FHAD1: variants seen among roughly 807,000 people sequenced by gnomAD.
The protein encoded by FHAD1 is forkhead-associated domain-containing protein 1.
In FHAD1, 146 loss-of-function variants were observed where a neutral mutation model predicts 191.3. That is an observed-to-expected ratio of 0.76 (90% CI 0.67 to 0.88). The LOEUF (loss-of-function observed/expected upper bound fraction) is 0.88, where lower values mean the gene tolerates loss of function less well. FHAD1 is among the 40% of genes least tolerant of loss of function. The probability of loss-of-function intolerance (pLI) is 0.00; values close to 1 mark genes in which losing one functional copy is unlikely to be tolerated. For missense variants in FHAD1, 1,635 were observed against 1,785.8 expected, an observed-to-expected ratio of 0.92 and a Z score of 1.52; for synonymous variants, 616 against 672.3, an observed-to-expected ratio of 0.92 and a Z score of 1.29.
chr1:15,260,768 A>G (rs1281383105), intron 2 of FHAD1, among the ~76,000 whole-genome samples: 1 of 152,224 alleles, frequency 6.6e-6, no homozygotes, highest in Non-Finnish European at 1.5e-5. Flanking sequence ...AACTCCAGCC[A>G]GAGAAAGTTC....
intron 2 of FHAD1, among the ~76,000 whole-genome samples, chr1:15,255,970 T>C (rs1317950223): frequency 7.4e-6 from 1 of 135,706 alleles, no homozygotes; most frequent in Admixed American, 7.7e-5. Context: ...ATGGGCTCCC[T>C]GGCTGCCTTG....
At chr1:15,383,997 CATGTGT>C in intron 31 of FHAD1, 1 of 328,304 alleles carries the variant, frequency 3.0e-6, no homozygotes, top group Non-Finnish European at 6.3e-6. Context: ...TGTACATTCT[CATGTGT>C]GTGTGTGTGT....
chr1:15,301,108 G>C, intron 5 of FHAD1, 97 bp from the exon 6 acceptor site: 2 of 1,040,584 alleles, frequency 1.9e-6, no homozygotes, highest in Non-Finnish European at 2.8e-6. Context: ...AGGATTACAG[G>C]CGTGAGCCAC....
intron 2 of FHAD1, among the ~76,000 whole-genome samples, chr1:15,265,245 G>C (rs991655499): frequency 1.3e-5 from 2 of 152,090 alleles, no homozygotes; most frequent in Admixed American, 6.5e-5. Flanking sequence ...CCCTGTAAAG[G>C]GCTGTTTTGC....
intron 31 of FHAD1, chr1:15,384,494 G>C (rs975817778): frequency 8.5e-5 from 13 of 152,322 alleles, no homozygotes; most frequent in African/African-American, 3.1e-4. Flanking sequence ...AGAATGGGAC[G>C]GCAGAGGGCC....
chr1:15,282,021 C>T (rs192947552), intron 3 of FHAD1, among the ~76,000 whole-genome samples: 7 of 152,222 alleles, frequency 4.6e-5, no homozygotes, highest in East Asian at 1.9e-4. Context: ...GCCACTGGAG[C>T]GCTTTTGGGT....
chr1:15,284,059 A>C (rs1219735002), intron 3 of FHAD1, among the ~76,000 whole-genome samples: 1 of 152,142 alleles, frequency 6.6e-6, no homozygotes, highest in Non-Finnish European at 1.5e-5. Flanking sequence ...TTTAATGCAC[A>C]AAATGTGGGT....
intron 20 of FHAD1, among the ~76,000 whole-genome samples, chr1:15,354,669 G>C (rs1168927030): frequency 6.6e-6 from 1 of 151,098 alleles, no homozygotes; most frequent in East Asian, 1.9e-4. Flanking sequence ...TCCAGAATGA[G>C]ACTAATGAAA....
At chr1:15,247,426 C>A in intron 1 of FHAD1, 31 bp downstream of exon 1, 1 of 189,514 alleles carries the variant, frequency 5.3e-6, no homozygotes, top group South Asian at 5.6e-5. Flanking sequence ...GGTGGCGGGC[C>A]GAGACCGGGG....
At chr1:15,293,685 T>C (rs1004627724) in intron 4 of FHAD1, among the ~76,000 whole-genome samples, 2 of 152,120 alleles carry the variant, frequency 1.3e-5, no homozygotes, top group Non-Finnish European at 2.9e-5. Context: ...GCCACTGCAC[T>C]CCAGCCTGGG....
chr1:15,268,337 A>G (rs1467453060), intron 2 of FHAD1, among the ~76,000 whole-genome samples: 1 of 151,800 alleles, frequency 6.6e-6, no homozygotes, highest in African/African-American at 2.4e-5. Flanking sequence ...ATCATTTTTT[A>G]TGGCTGCATA....
chr1:15,263,704 G>C lies in FHAD1; in HGVS notation c.94-8619G>C, dbSNP rs562985683. ...GCCCAACTAATTTTTTGTATTTTTA[G>C]TAGAGGCGGGGTTTCATTGTGTTAG... is the stretch of plus-strand genomic sequence containing the variant. On this transcript the variant is annotated intron_variant, in intron 2 of 33. Transcript: ENST00000688493. Among the ~76,000 whole-genome samples, 4 of 151,932 alleles carry C rather than the reference G, an allele frequency of 2.6e-5. No individual in the cohort carries two copies. The South Asian group carries it at 8.3e-4, about 32-fold the overall frequency.
intron 14 of FHAD1, among the ~76,000 whole-genome samples, chr1:15,336,330 C>T (rs537551250): frequency 6.6e-5 from 10 of 152,316 alleles, no homozygotes; most frequent in African/African-American, 2.2e-4. Context: ...GCTGTTCTCA[C>T]GCTTCTGTGC....
chr1:15,396,703 G>A (rs1706091190), intron 33 of FHAD1, among the ~76,000 whole-genome samples: 1 of 152,010 alleles, frequency 6.6e-6, no homozygotes, highest in African/African-American at 2.4e-5. Context: ...CCAGCTGCTT[G>A]GGAGGCTGAG....
At chr1:15,341,292 T>C (rs1363531015) in intron 15 of FHAD1, among the ~76,000 whole-genome samples, 1 of 152,226 alleles carries the variant, frequency 6.6e-6, no homozygotes, top group African/African-American at 2.4e-5. Flanking sequence ...CCCTTCTCCT[T>C]ATTTTTCAGA....
At chr1:15,347,473 T>A (rs529313046) in intron 18 of FHAD1, among the ~76,000 whole-genome samples, 1 of 152,262 alleles carries the variant, frequency 6.6e-6, no homozygotes, top group Admixed American at 6.5e-5. Flanking sequence ...GCTATTTGAT[T>A]TTCTTTTTTT....
chr1:15,345,732 T>G, intron 18 of FHAD1: 1 of 589,538 alleles, frequency 1.7e-6, no homozygotes, highest in South Asian at 2.0e-5. Flanking sequence ...TGGGAAAAAA[T>G]TGTAAACAGT....
rs1160199543 is a variant in FHAD1, at chr1:15,327,341, T to A, written c.1557+199T>A. The A allele has an allele frequency of 1.1e-5, 6 of 536,070 alleles. No individual in the cohort carries two copies. The East Asian group carries it at 1.9e-4, about 17-fold the overall frequency. 33.2% of individuals were successfully genotyped at this position (536,070 alleles called of 1,614,324 possible). ...AAGTAAAAGCCAGTTAAAACTCCCT[T>A]GAAATGTGTCTGTGAAAATCAAATT... On this transcript the variant is annotated intron_variant, in intron 12 of 33. Coordinates refer to ENST00000688493, the MANE Select transcript of FHAD1 (RefSeq NM_001391957.1). The surrounding 1 kb of genome is among the most constrained non-coding windows in gnomAD (Gnocchi z 5.1).
intron 14 of FHAD1, 72 bp from the exon 15 acceptor site, chr1:15,339,409 C>A: frequency 1.4e-6 from 1 of 699,594 alleles, no homozygotes; most frequent in Non-Finnish European, 2.1e-6. Flanking sequence ...GGCAACGTTG[C>A]TTTCATCCAC....
Sources: gnomAD v4.1 joint callset for allele counts (sites outside exome capture counted in the v4.1 genomes callset) on GRCh38, gnomAD v4.1.1 for gene constraint, Gnocchi (gnomAD v3.1) non-coding constraint, MANE v1.5 for transcripts, NCBI Gene and HGNC (gene_info 2026-07-23, HGNC 2026-07-21) for gene names.